INPP5A: variants seen among roughly 807,000 people sequenced by gnomAD.
The protein encoded by INPP5A is inositol polyphosphate-5-phosphatase A.
In INPP5A, 14 loss-of-function variants were observed where a neutral mutation model predicts 65.2. That is an observed-to-expected ratio of 0.21 (90% CI 0.14 to 0.34). The LOEUF (loss-of-function observed/expected upper bound fraction) is 0.34, where lower values mean the gene tolerates loss of function less well. Among genes scored for constraint, INPP5A ranks in the 10% least tolerant of loss-of-function variants. The pLI, the probability that INPP5A is intolerant of heterozygous loss-of-function variation, is 1.00. For missense variants in INPP5A, 431 were observed against 545.6 expected (o/e 0.79, Z 2.09); for synonymous variants, 207 against 208.3 (o/e 0.99, Z 0.05).
At chr10:132,773,265 G>T (rs530586191) in intron 12 of INPP5A, among the ~76,000 whole-genome samples, 63 of 152,354 alleles carry the variant, frequency 4.1e-4, no homozygotes, top group Middle Eastern at 3.4e-3. Flanking sequence ...CGCAGAGCAG[G>T]TCCAGTGGGA....
chr10:132,649,057 T>G (rs2072536665), intron 3 of INPP5A, among the ~76,000 whole-genome samples: 2 of 152,250 alleles, frequency 1.3e-5, no homozygotes, highest in Non-Finnish European at 2.9e-5. Flanking sequence ...AAAGCTCTTC[T>G]GATTGTTTTC....
At position 132,780,877 on chromosome 10, in the gene INPP5A, A is replaced by G; in HGVS notation, c.1118A>G (p.Tyr373Cys). The change falls in exon 14 of 16, where the codon TAT (tyrosine) becomes TGT (cysteine). Residue 373 changes from tyrosine (Y) to cysteine (C), a missense_variant. Transcript: ENST00000368594. The part of the protein sequence containing the change: ...RSESEEKVVT[Y>C]DHIGPNVCMG... Reference sequence around the variant, plus strand: ...GAGAGCGAGGAGAAGGTTGTCACCTATGACCACATTGGGCCCAACGTCTGC... The same window carrying G: ...GAGAGCGAGGAGAAGGTTGTCACCTGTGACCACATTGGGCCCAACGTCTGC... The G allele has an allele frequency of 6.2e-7, 1 of 1,607,178 alleles. No homozygotes were observed.
intron 1 of INPP5A, among the ~76,000 whole-genome samples, chr10:132,540,123 C>T (rs538853241): frequency 4.6e-5 from 7 of 152,340 alleles, no homozygotes; most frequent in African/African-American, 1.4e-4. Context: ...CCGTTAGCTG[C>T]GGCTTCAAAG....
intron 1 of INPP5A, among the ~76,000 whole-genome samples, chr10:132,600,561 T>TTAA (rs2071762405): frequency 6.6e-6 from 1 of 152,228 alleles, no homozygotes. Context: ...AACCTCTGCC[T>TTAA]GTTATGCAGT....
intron 2 of INPP5A, among the ~76,000 whole-genome samples, chr10:132,629,465 G>C (rs1475131139): frequency 2.0e-5 from 3 of 152,256 alleles, no homozygotes; most frequent in Admixed American, 6.5e-5. Flanking sequence ...ATCTTTGAAG[G>C]GAGTTGTGTT....
chr10:132,736,475 T>C (rs932955375), intron 9 of INPP5A, among the ~76,000 whole-genome samples: 16 of 152,134 alleles, frequency 1.1e-4, no homozygotes, highest in African/African-American at 3.6e-4. Flanking sequence ...GTTGGGGGCG[T>C]TGACATCCAG....
chr10:132,691,708 A>G (rs1406776258), intron 5 of INPP5A, among the ~76,000 whole-genome samples: 1 of 152,168 alleles, frequency 6.6e-6, no homozygotes, highest in Admixed American at 6.5e-5. Flanking sequence ...CAAGAACAAC[A>G]TGAGGAGTGG....
intron 2 of INPP5A, among the ~76,000 whole-genome samples, chr10:132,613,793 T>A (rs2071992309): frequency 6.6e-6 from 1 of 152,160 alleles, no homozygotes; most frequent in Admixed American, 6.5e-5. Context: ...CACCTGGTGG[T>A]CTCCATGACC....
At chr10:132,711,704 G>A (rs889284800) in intron 8 of INPP5A, among the ~76,000 whole-genome samples, 21 of 152,220 alleles carry the variant, frequency 1.4e-4, no homozygotes, top group African/African-American at 4.6e-4. Flanking sequence ...TTCTGTTCCC[G>A]GGGCCGGTTC....
intron 4 of INPP5A, among the ~76,000 whole-genome samples, chr10:132,660,136 AAT>A (rs1424342485): frequency 6.6e-6 from 1 of 152,230 alleles, no homozygotes; most frequent in African/African-American, 2.4e-5. Context: ...TTTAAGTGAA[AAT>A]ATTGAGAGGG....
At chr10:132,646,818 T>C (rs2072501505) in intron 3 of INPP5A, among the ~76,000 whole-genome samples, 1 of 152,184 alleles carries the variant, frequency 6.6e-6, no homozygotes, top group South Asian at 2.1e-4. Context: ...CCACACACTG[T>C]GGGCCGACGC....
chr10:132,759,284 C>T (rs1846687685), intron 11 of INPP5A, among the ~76,000 whole-genome samples: 1 of 152,164 alleles, frequency 6.6e-6, no homozygotes, highest in South Asian at 2.1e-4. Flanking sequence ...GTGAGGGGTC[C>T]TCAGAATCCT....
intron 11 of INPP5A, among the ~76,000 whole-genome samples, chr10:132,750,538 A>C (rs1846456842): frequency 6.6e-6 from 1 of 152,050 alleles, no homozygotes; most frequent in Admixed American, 6.5e-5. Context: ...CGGCCTACAC[A>C]CTCTCTTTAC....
chr10:132,716,642 C>T (rs987183511), intron 8 of INPP5A, among the ~76,000 whole-genome samples: 3 of 152,222 alleles, frequency 2.0e-5, no homozygotes, highest in Non-Finnish European at 2.9e-5. Context: ...CCCAGCGTCA[C>T]CACTGGCATC....
rs73401214 is a variant in INPP5A, at chr10:132,624,092, A to G, written c.117+16136A>G. ...GGCCCTGCAGATCCCTATGGCCATC[A>G]GGGAATCTGTCATTTCTTATAAAGT... On this transcript the variant is annotated intron_variant, in intron 2 of 15. Transcript: ENST00000368594. Among the ~76,000 whole-genome samples, 609 of 151,980 alleles carry G rather than the reference A, an allele frequency of 4.0e-3. 3 individuals are homozygous for G. The highest frequency in any genetic ancestry group is 0.014 in the African/African-American group (581 of 41,296).
chr10:132,715,128 G>A (rs1845718082), intron 8 of INPP5A, among the ~76,000 whole-genome samples: 1 of 152,240 alleles, frequency 6.6e-6, no homozygotes, highest in Non-Finnish European at 1.5e-5. Flanking sequence ...GCATCTGGGG[G>A]CTGAGCCAGA....
chr10:132,697,851 T>C lies in INPP5A; in HGVS notation c.406T>C (p.Tyr136His). The C allele has an allele frequency of 6.2e-7, 1 of 1,613,962 alleles. No homozygotes were observed. The highest frequency in any genetic ancestry group is 8.5e-7 in the Non-Finnish European group (1 of 1,179,854). The change falls in exon 6 of 16, where the codon TAC (tyrosine) becomes CAC (histidine). Residue 136 changes from tyrosine to histidine, a missense_variant. Coordinates refer to ENST00000368594, the MANE Select transcript of INPP5A (RefSeq NM_005539.5). This position sits in a 1 kb window ranked among gnomAD's most constrained non-coding sequence, Gnocchi z 5.6. ...TAGAAAGGTCGCTGGCAAAGAGATC[T>C]ACTCGGATACCTTAGAGAGCACGCC... ...KYRKVAGKEI[Y>H]SDTLESTPML...
At chr10:132,679,868 G>T (rs2073019549) in intron 4 of INPP5A, among the ~76,000 whole-genome samples, 1 of 152,206 alleles carries the variant, frequency 6.6e-6, no homozygotes. Context: ...CATTCCATGG[G>T]AGAGGACAGC....
Position 132,607,789 on chromosome 10 carries a change from A to G in INPP5A, c.76-126A>G, listed in dbSNP as rs1311863679. 11 of 924,420 alleles carry G rather than the reference A, an allele frequency of 1.2e-5. No homozygotes were observed. The Admixed American group carries it at 1.4e-4, about 11-fold the overall frequency. The allele number at this position is 924,420 out of a possible 1,614,324, so 57.3% of individuals were successfully genotyped here. Reference sequence around the variant, plus strand: ...TTCCCCGTGCGGGTGGAGCTCCTCCATGCGGGGTGGGCCCGGGCTGCGCCT... The same window carrying G: ...TTCCCCGTGCGGGTGGAGCTCCTCCGTGCGGGGTGGGCCCGGGCTGCGCCT... On this transcript the variant is annotated intron_variant, in intron 1 of 15. Transcript: ENST00000368594.
Sources: gnomAD v4.1 joint callset for allele counts (sites outside exome capture counted in the v4.1 genomes callset) on GRCh38, gnomAD v4.1.1 for gene constraint, Gnocchi (gnomAD v3.1) non-coding constraint, MANE v1.5 for transcripts, NCBI Gene and HGNC (gene_info 2026-07-23, HGNC 2026-07-21) for gene names.